The following MPHOSPH8 variants were observed in gnomAD, a reference collection of about 807,000 sequenced individuals.
MPHOSPH8 encodes the protein M-phase phosphoprotein, mpp.
In MPHOSPH8, 45 loss-of-function variants were observed where a neutral mutation model predicts 87.3. That is an observed-to-expected ratio of 0.52 (90% CI 0.41 to 0.66). The LOEUF (loss-of-function observed/expected upper bound fraction) is 0.66, where lower values mean the gene tolerates loss of function less well. MPHOSPH8 is among the 30% of genes least tolerant of loss of function. The pLI is 0.00. For synonymous variants in MPHOSPH8, 366 were observed against 376.9 expected (o/e 0.97, Z 0.33); for missense variants, 883 against 1,020.2 (o/e 0.87, Z 1.83).
At chr13:19,661,592 G>C in intron 7 of MPHOSPH8, 106 bp from the exon 8 acceptor site, 3 of 1,183,660 alleles carry the variant, frequency 2.5e-6, no homozygotes, top group South Asian at 3.4e-5. Context: ...GCCTAAATCA[G>C]TGCCTATTAG....
chr13:19,639,211 A>G (rs1046354833), intron 1 of MPHOSPH8, among the ~76,000 whole-genome samples: 5 of 151,284 alleles, frequency 3.3e-5, no homozygotes, highest in Non-Finnish European at 7.4e-5. Flanking sequence ...ACCCATCTGG[A>G]GGTCTGGTTG....
chr13:19,639,471 C>T (rs1408508851), intron 1 of MPHOSPH8, among the ~76,000 whole-genome samples: 8 of 152,018 alleles, frequency 5.3e-5, no homozygotes, highest in East Asian at 2.0e-4. Context: ...CCACCACACC[C>T]GGCTAATTTT....
Position 19,660,639 on chromosome 13 carries a change from A to G in MPHOSPH8, c.1792-1059A>G, listed in dbSNP as rs530266929. The stretch of plus-strand genomic sequence containing the variant: ...CATTTATATCCTTAAGCAAAGTTCT[A>G]TGGGTTTTTTCATTCATATAGACGT... On this transcript the variant is annotated intron_variant, in intron 7 of 13. Coordinates refer to ENST00000361479, the MANE Select transcript of MPHOSPH8 (RefSeq NM_017520.4). Among the ~76,000 whole-genome samples, 89 of 152,242 alleles carry G rather than the reference A, an allele frequency of 5.8e-4. No homozygotes were observed. In the Middle Eastern group the frequency reaches 0.017, roughly 29 times the overall value.
chr13:19,660,620 T>A (rs1875473345), intron 7 of MPHOSPH8, among the ~76,000 whole-genome samples: 1 of 152,232 alleles, frequency 6.6e-6, no homozygotes, highest in Admixed American at 6.5e-5. Flanking sequence ...TCTTCATTTA[T>A]ATCCTTAAGC....
chr13:19,633,874 G>C lies in MPHOSPH8; in HGVS notation c.126G>C (p.Ala42=). 6.2e-7 allele frequency: 1 copy of C among 1,611,516 alleles called. No individual in the cohort carries two copies. Among genetic ancestry groups the C allele is most frequent in the Non-Finnish European group, 8.5e-7 (1 of 1,179,150 alleles). Residue 42 remains alanine, a synonymous_variant, in exon 1 of 14, where the codon GCG becomes GCC. Coordinates refer to ENST00000361479, the MANE Select transcript of MPHOSPH8 (RefSeq NM_017520.4). ...TGGGCGAAGATAATGACGCAGCCGC[G>C]AGAGGAGCGGAGGCCTTTGGCGACA... is the stretch of plus-strand genomic sequence containing the variant. ...GVVGEDNDAA[A]RGAEAFGDSE... is the part of the protein sequence containing the mutation.
At chr13:19,664,814 G>T (rs182202949) in intron 9 of MPHOSPH8, among the ~76,000 whole-genome samples, 88 of 152,250 alleles carry the variant, frequency 5.8e-4, no homozygotes, top group Non-Finnish European at 1.0e-3. Context: ...CTAGGCTCAG[G>T]AGAGAGGTGT....
At chr13:19,656,715 G>A (rs574776009) in intron 5 of MPHOSPH8, among the ~76,000 whole-genome samples, 4 of 152,230 alleles carry the variant, frequency 2.6e-5, no homozygotes, top group African/African-American at 4.8e-5. Flanking sequence ...AGCTGAGATC[G>A]TGCCATCGCA....
intron 7 of MPHOSPH8, chr13:19,660,957 A>G (rs549104246): frequency 3.0e-6 from 3 of 985,126 alleles, no homozygotes; most frequent in African/African-American, 3.5e-5. Context: ...ACACAAAACA[A>G]AAAGAAGATA....
intron 11 of MPHOSPH8, 81 bp downstream of exon 11, chr13:19,668,612 G>C: frequency 7.1e-7 from 1 of 1,405,856 alleles, no homozygotes; most frequent in Non-Finnish European, 9.6e-7. Context: ...ATCCTTTCTT[G>C]GAACAAAACT....
intron 2 of MPHOSPH8, 94 bp downstream of exon 2, chr13:19,642,364 CAA>C (rs1874342747): frequency 1.9e-6 from 2 of 1,067,226 alleles, no homozygotes; most frequent in African/African-American, 3.3e-5. Flanking sequence ...TTACAAATAA[CAA>C]AGTGTACCGT....
At chr13:19,634,590 T>C (rs1593462516) in intron 1 of MPHOSPH8, among the ~76,000 whole-genome samples, 1 of 152,176 alleles carries the variant, frequency 6.6e-6, no homozygotes. Context: ...TGGTGAAATC[T>C]TACTCAAATG....
chr13:19,634,681 T>C (rs1219583836), intron 1 of MPHOSPH8, among the ~76,000 whole-genome samples: 1 of 152,212 alleles, frequency 6.6e-6, no homozygotes, highest in African/African-American at 2.4e-5. Flanking sequence ...TTCTCATCTC[T>C]GCTCTTTTTA....
intron 12 of MPHOSPH8, 122 bp from the exon 13 acceptor site, chr13:19,671,081 CACA>C: frequency 6.8e-7 from 1 of 1,466,868 alleles, no homozygotes; most frequent in Non-Finnish European, 9.0e-7. Context: ...TGGCCTCCTC[CACA>C]ACATCTTGAC....
chr13:19,659,754 AC>A (rs1875408888), intron 7 of MPHOSPH8: 1 of 336,306 alleles, frequency 3.0e-6, no homozygotes, highest in Non-Finnish European at 5.9e-6. Context: ...TTTAATTCCA[AC>A]CCCCTCCCCT....
In MPHOSPH8 at chr13:19,653,952, G is replaced by A. The variant is rs117162558; in HGVS notation, c.1576+3692G>A. 3.8e-4 allele frequency among the ~76,000 whole-genome samples: 58 copies of A among 152,254 alleles called. No homozygotes were observed. In the East Asian group the frequency reaches 0.01, roughly 26 times the overall value. Reference sequence around the variant, plus strand: ...TTTAATTAGTGTACGTGAAAGTGACGAGGAGGATGGAACCAAGTTGGAAAA... The same window carrying A: ...TTTAATTAGTGTACGTGAAAGTGACAAGGAGGATGGAACCAAGTTGGAAAA... On this transcript the variant is annotated intron_variant, in intron 5 of 13. Coordinates refer to ENST00000361479, the MANE Select transcript of MPHOSPH8 (RefSeq NM_017520.4).
Position 19,661,708 on chromosome 13 carries a change from G to C in MPHOSPH8, c.1802G>C (p.Gly601Ala). The part of the protein sequence containing the change: ...EYNLDQEDSS[G>A]MTLVMLAAAG... ...AACAAACCAACACAGGATTCCAGTG[G>C]AATGACACTGGTGATGCTTGCCGCC... Residue 601 changes from glycine (G) to alanine (A), a missense_variant, in exon 8 of 14, where the codon GGA becomes GCA. Physicochemically the swap from Gly to Ala is moderately conservative, Grantham distance 60. This residue lies in a region of MPHOSPH8 where 741 missense variants were observed against 841.5 expected (regional missense o/e 0.88). Coordinates refer to ENST00000361479, the MANE Select transcript of MPHOSPH8 (RefSeq NM_017520.4). 6.2e-7 allele frequency: 1 copy of C among 1,600,472 alleles called. No individual in the cohort carries two copies. The highest frequency in any genetic ancestry group is 8.5e-7 in the Non-Finnish European group (1 of 1,171,198).
At position 19,666,556 on chromosome 13, in the gene MPHOSPH8, C is replaced by A. The variant is rs1383841648; in HGVS notation, c.2151C>A (p.Asp717Glu). 1 of 1,589,422 alleles carries A rather than the reference C, an allele frequency of 6.3e-7. No homozygotes were observed. Among genetic ancestry groups the A allele is most frequent in the South Asian group, 1.1e-5 (1 of 89,730 alleles). The change falls in exon 10 of 14, where the codon GAC becomes GAA. Residue 717 changes from aspartate (D) to glutamate (E), a missense_variant. By Grantham distance (45) the Asp-to-Glu change is conservative. Transcript: ENST00000361479. ...AGTCTAACAATGTGCTTGTGTACGA[C>A]TTGCTGAAGAACCATTTAGAGACGT... ...AKQSNNVLVY[D>E]LLKNHLETLS... is the part of the protein sequence containing the mutation.
At chr13:19,642,710 C>T (rs1874365885) in intron 2 of MPHOSPH8, among the ~76,000 whole-genome samples, 1 of 151,378 alleles carries the variant, frequency 6.6e-6, no homozygotes, top group African/African-American at 2.4e-5. Context: ...CAACTTAGAA[C>T]TATATAGTGA....
rs1875560155 is a variant in MPHOSPH8 at position 19,661,976 on chromosome 13, C to T, written c.1932+138C>T. ...TTTTTTTTTTAGACGGAGTCTCGCT[C>T]TGTCGCCGAGGCTGGAGTGCAGTGG... On this transcript the variant is annotated intron_variant, in intron 8 of 13. Transcript: ENST00000361479. 2.6e-6 allele frequency: 3 copies of T among 1,166,532 alleles called. No homozygotes were observed. In the South Asian group the frequency reaches 5.8e-5, roughly 22 times the overall value. 72.3% of individuals were successfully genotyped at this position (1,166,532 alleles called of 1,614,324 possible). A position where few individuals can be genotyped will look rare whatever the true frequency, so the allele number is the denominator to read the frequency against.
Sources: allele counts gnomAD v4.1 joint callset (sites outside exome capture counted in the v4.1 genomes callset), GRCh38; gene constraint gnomAD v4.1.1; regional missense constraint gnomAD v4.1.1; transcripts MANE v1.5; gene names NCBI Gene and HGNC (gene_info 2026-07-23, HGNC 2026-07-21).